The following NRXN3 variants were observed in gnomAD, a reference collection of about 807,000 sequenced individuals.
NRXN3 encodes the protein neurexin III.
A neutral mutation model predicts 137.6 loss-of-function variants in NRXN3; 32 were observed. That is an observed-to-expected ratio of 0.23 (90% CI 0.18 to 0.31). NRXN3 has a LOEUF of 0.31. Among genes scored for constraint, NRXN3 ranks in the 10% least tolerant of loss-of-function variants. The probability of loss-of-function intolerance (pLI) is 1.00; values close to 1 mark genes in which losing one functional copy is unlikely to be tolerated. For missense variants in NRXN3, 1,574 were observed against 2,062.5 expected (o/e 0.76, Z 4.59); for synonymous variants, 798 against 784.5 (o/e 1.02, Z -0.29).
intron 3 of NRXN3, among the ~76,000 whole-genome samples, chr14:78,284,854 A>T (rs1185908049): frequency 2.0e-5 from 3 of 152,192 alleles, no homozygotes; most frequent in African/African-American, 7.2e-5. Flanking sequence ...AAAGGGGCAA[A>T]GGAGACCAAT....
At chr14:78,921,916 A>G (rs2152825311) in intron 10 of NRXN3, among the ~76,000 whole-genome samples, 1 of 152,284 alleles carries the variant, frequency 6.6e-6, no homozygotes, top group East Asian at 1.9e-4. Flanking sequence ...TCCTTAAAAA[A>G]CCACTTCCCT....
chr14:79,397,266 T>C (rs2095052821), intron 15 of NRXN3, among the ~76,000 whole-genome samples: 1 of 152,208 alleles, frequency 6.6e-6, no homozygotes, highest in African/African-American at 2.4e-5. Flanking sequence ...TCCTCCTTTA[T>C]ACCACTGCAC....
At chr14:79,562,466 C>G (rs2097507435) in intron 16 of NRXN3, among the ~76,000 whole-genome samples, 1 of 152,110 alleles carries the variant, frequency 6.6e-6, no homozygotes, top group Non-Finnish European at 1.5e-5. Flanking sequence ...ATAAGAACTA[C>G]CAGTCTGTTG....
chr14:78,570,828 G>A (rs1291738902), intron 4 of NRXN3, among the ~76,000 whole-genome samples: 1 of 152,202 alleles, frequency 6.6e-6, no homozygotes, highest in Non-Finnish European at 1.5e-5. Flanking sequence ...GCATTTGGAA[G>A]TTTACCCGTA....
chr14:79,552,857 G>A (rs773107373), intron 16 of NRXN3, among the ~76,000 whole-genome samples: 4 of 152,108 alleles, frequency 2.6e-5, no homozygotes, highest in Non-Finnish European at 5.9e-5. Context: ...AAGAACAGGT[G>A]AAAACTCTGT....
At chr14:79,167,362 T>C (rs2153082888) in intron 15 of NRXN3, among the ~76,000 whole-genome samples, 1 of 152,106 alleles carries the variant, frequency 6.6e-6, no homozygotes, top group Non-Finnish European at 1.5e-5. Flanking sequence ...AGGAGGTAAC[T>C]AGTGTGACTT....
intron 16 of NRXN3, among the ~76,000 whole-genome samples, chr14:79,487,145 G>A (rs1230135353): frequency 6.6e-6 from 1 of 152,050 alleles, no homozygotes; most frequent in Admixed American, 6.6e-5. Flanking sequence ...TGAAATTGGG[G>A]ATAAAAAAGT....
intron 4 of NRXN3, among the ~76,000 whole-genome samples, chr14:78,521,508 C>T (rs988879716): frequency 6.6e-6 from 1 of 152,044 alleles, no homozygotes; most frequent in African/African-American, 2.4e-5. Flanking sequence ...CTGCCTGAAG[C>T]CCAGGGTTAA....
At chr14:79,386,646 C>T (rs1256590321) in intron 15 of NRXN3, among the ~76,000 whole-genome samples, 1 of 152,188 alleles carries the variant, frequency 6.6e-6, no homozygotes, top group Non-Finnish European at 1.5e-5. Context: ...ATTGCCAAGT[C>T]CATCCTAAGC....
chr14:79,761,684 C>CAAAAAAAAAAAAAAAAAAAAAAA (rs10599873), intron 19 of NRXN3, among the ~76,000 whole-genome samples: 1 of 78,906 alleles, frequency 1.3e-5, no homozygotes, highest in African/African-American at 5.3e-5. Context: ...GACTCTGTCT[C>CAAAAAAAAAAAAAAAAAAAAAAA]AAAAAAAAAA....
At chr14:79,183,024 C>T (rs2063116463) in intron 15 of NRXN3, among the ~76,000 whole-genome samples, 1 of 152,064 alleles carries the variant, frequency 6.6e-6, no homozygotes, top group Admixed American at 6.5e-5. Flanking sequence ...GCTATAAAAT[C>T]AGAATACATT....
chr14:78,253,966 C>T (rs1212490136), intron 2 of NRXN3, among the ~76,000 whole-genome samples: 1 of 152,142 alleles, frequency 6.6e-6, no homozygotes, highest in Non-Finnish European at 1.5e-5. Context: ...AGTAATCTGA[C>T]CTTTGTAATG....
At chr14:79,023,556 C>T (rs755415378) in intron 15 of NRXN3, among the ~76,000 whole-genome samples, 6 of 151,902 alleles carry the variant, frequency 3.9e-5, no homozygotes, top group Non-Finnish European at 7.4e-5. Flanking sequence ...TAAAGAAATA[C>T]CTGGGACTGG....
intron 15 of NRXN3, among the ~76,000 whole-genome samples, chr14:79,364,903 C>A (rs1041666955): frequency 8.5e-5 from 13 of 152,120 alleles, no homozygotes; most frequent in Non-Finnish European, 1.9e-4. Flanking sequence ...CCCCTACTTA[C>A]TATTCAAAAA....
chr14:79,506,564 A>G (rs2096880473), intron 16 of NRXN3, among the ~76,000 whole-genome samples: 1 of 152,206 alleles, frequency 6.6e-6, no homozygotes, highest in South Asian at 2.1e-4. Flanking sequence ...TAAAGCCTTC[A>G]TTATATGGCA....
intron 16 of NRXN3, among the ~76,000 whole-genome samples, chr14:79,558,040 A>G (rs1366411173): frequency 6.6e-6 from 1 of 152,140 alleles, no homozygotes; most frequent in Non-Finnish European, 1.5e-5. Flanking sequence ...TTCCTCATCC[A>G]TAAGCAGAAA....
chr14:78,449,724 A>G (rs763284954), intron 4 of NRXN3, among the ~76,000 whole-genome samples: 1 of 152,218 alleles, frequency 6.6e-6, no homozygotes, highest in Non-Finnish European at 1.5e-5. Flanking sequence ...TGATTTTCTC[A>G]GAAAGTATAA....
At chr14:79,850,140 C>T (rs560282534) in intron 20 of NRXN3, among the ~76,000 whole-genome samples, 20 of 152,276 alleles carry the variant, frequency 1.3e-4, no homozygotes, top group African/African-American at 4.8e-4. Context: ...GTATCCAATG[C>T]CAAAAGTCTT....
At chr14:78,599,329 T>C (rs2097184324) in intron 4 of NRXN3, among the ~76,000 whole-genome samples, 1 of 152,230 alleles carries the variant, frequency 6.6e-6, no homozygotes, top group Admixed American at 6.5e-5. Flanking sequence ...GGCAAAGCTA[T>C]TGAGGGTTTA....
Sources: gnomAD v4.1 joint callset for allele counts (sites outside exome capture counted in the v4.1 genomes callset) on GRCh38, gnomAD v4.1.1 for gene constraint, MANE v1.5 for transcripts, NCBI Gene and HGNC (gene_info 2026-07-23, HGNC 2026-07-21) for gene names.